The following HSP90AB1 variants were observed in gnomAD, a reference collection of about 807,000 sequenced individuals.
The protein encoded by HSP90AB1 is heat shock protein HSP 90-beta.
A neutral mutation model predicts 67.8 loss-of-function variants in HSP90AB1; 17 were observed. That is an observed-to-expected ratio of 0.25 (90% CI 0.17 to 0.38). HSP90AB1 has a LOEUF of 0.38. HSP90AB1 is among the 10% of genes least tolerant of loss of function. The pLI is 1.00. For missense variants in HSP90AB1, 690 were observed against 899.9 expected (o/e 0.77, Z 2.98); for synonymous variants, 390 against 312.9 (o/e 1.25, Z -2.60).
intron 1 of HSP90AB1, chr6:44,247,949 G>A (rs1045688389): frequency 6.6e-6 from 1 of 152,272 alleles, no homozygotes; most frequent in African/African-American, 2.4e-5. Context: ...CGGCAGTGAC[G>A]AGTGTCGGCC....
intron 10 of HSP90AB1, 136 bp downstream of exon 10, chr6:44,252,403 C>T: frequency 2.6e-6 from 2 of 777,364 alleles, no homozygotes; most frequent in East Asian, 2.6e-5. Context: ...GTTCTCTTCT[C>T]TAGTCAGGTT....
rs1205464236 is a variant in HSP90AB1 at position 44,248,676 on chromosome 6, C to T, written c.47C>T (p.Ala16Val). The stretch of plus-strand genomic sequence containing the variant: ...GGAGAGGAGGAGGTGGAGACTTTTG[C>T]CTTTCAGGCAGAAATTGCCCAACTC... ...HHGEEEVETF[A>V]FQAEIAQLMS... Residue 16 changes from alanine to valine, a missense_variant, in exon 2 of 12, where the codon GCC becomes GTC. Ala to Val is a moderately conservative substitution (Grantham distance 64, BLOSUM62 0). Around this residue, in one of 7 missense-constraint regions of HSP90AB1, gnomAD observed 25 missense variants for 18.0 expected, o/e 1.39. Coordinates refer to ENST00000371646, the MANE Select transcript of HSP90AB1 (RefSeq NM_007355.4). The T allele has an allele frequency of 1.9e-6, 3 of 1,613,770 alleles. No homozygotes were observed. The highest frequency in any genetic ancestry group is 1.3e-5 in the African/African-American group (1 of 74,942).
At chr6:44,253,430 T>A (rs544357572) in intron 11 of HSP90AB1, 52 bp downstream of exon 11, 1 of 1,603,984 alleles carries the variant, frequency 6.2e-7, no homozygotes. Flanking sequence ...ACTCGTCTCC[T>A]CTATGGATTT....
chr6:44,251,627 C>CT lies in HSP90AB1; in HGVS notation c.1314+21dup, dbSNP rs55708875. ...TCTCAAGGTAAAAAGGCAAATAATG[C>CT]TTATTCCCTTTACCACTTTCTTAGT... On this transcript the variant is annotated intron_variant, in intron 8 of 11. Transcript: ENST00000371646. 22 of 1,591,004 alleles carry CT rather than the reference C, an allele frequency of 1.4e-5. No individual in the cohort carries two copies. In the Admixed American group the frequency reaches 3.8e-4, roughly 28 times the overall value.
At position 44,251,170 on chromosome 6, in the gene HSP90AB1, G is replaced by A; in HGVS notation, c.1080G>A (p.Val360=). 1 of 1,614,198 alleles carries A rather than the reference G, an allele frequency of 6.2e-7. No individual in the cohort carries two copies. The highest frequency in any genetic ancestry group is 1.6e-4 in the Middle Eastern group (1 of 6,062). The change falls in exon 7 of 12, where the codon GTG becomes GTA. Residue 360 remains valine (V), a synonymous_variant. Transcript: ENST00000371646. ...KNNIKLYVRR[V]FIMDSCDELI... Reference sequence around the variant, plus strand: ...ACATCAAACTCTATGTCCGCCGTGTGTTCATCATGGACAGCTGTGATGAGT... The same window carrying A: ...ACATCAAACTCTATGTCCGCCGTGTATTCATCATGGACAGCTGTGATGAGT...
At position 44,251,578 on chromosome 6, in the gene HSP90AB1, A is replaced by C; in HGVS notation, c.1284A>C (p.Lys428Asn). Residue 428 changes from lysine (K) to asparagine (N), a missense_variant, in exon 8 of 12, where the codon AAA (lysine) becomes AAC (asparagine). By Grantham distance (94) the Lys-to-Asn change is moderately conservative (BLOSUM62 0). Transcript: ENST00000371646. Reference sequence around the variant, plus strand: ...CAGAAGACAAGGAGAATTACAAGAAATTCTATGAGGCATTCTCTAAAAATC... The same window carrying C: ...CAGAAGACAAGGAGAATTACAAGAACTTCTATGAGGCATTCTCTAAAAATC... ...ELAEDKENYK[K>N]FYEAFSKNLK... 5 of 1,608,290 alleles carry C rather than the reference A, an allele frequency of 3.1e-6. No homozygotes were observed. Among genetic ancestry groups the C allele is most frequent in the Non-Finnish European group, 4.3e-6 (5 of 1,176,280 alleles).
In HSP90AB1 at chr6:44,247,199, A is replaced by G. The variant is rs973299137; in HGVS notation, c.-1+4A>G. On this transcript the variant is annotated splice_donor_region_variant and intron_variant, in intron 1 of 11. Transcript: ENST00000371646. ...GTATAATCCTTTTCTTTTCAAGGTA[A>G]GGCTGAGATCTCCGCTAGGCTTCTT... 4 of 152,226 alleles carry G rather than the reference A, an allele frequency of 2.6e-5. No homozygotes were observed. Among genetic ancestry groups the G allele is most frequent in the African/African-American group, 9.7e-5 (4 of 41,448 alleles). 9.4% of individuals were successfully genotyped at this position (152,226 alleles called of 1,614,324 possible).
rs1780483060 is a variant in HSP90AB1, at chr6:44,250,313, A to C, written c.671A>C (p.Glu224Ala). ...TAGTTGGAGAAGGAACGAGAGAAGG[A>C]AATTAGTGATGATGAGGCAGAGGAA... ...TLYLEKEREK[E>A]ISDDEAEEEK... Residue 224 changes from glutamate (E) to alanine (A), a missense_variant, in exon 6 of 12, where the codon GAA (glutamate) becomes GCA (alanine). Transcript: ENST00000371646. The C allele has an allele frequency of 6.2e-7, 1 of 1,613,706 alleles. No homozygotes were observed. Among genetic ancestry groups the C allele is most frequent in the Non-Finnish European group, 8.5e-7 (1 of 1,179,928 alleles).
chr6:44,248,228 C>T (rs896579981), intron 1 of HSP90AB1: 7 of 167,190 alleles, frequency 4.2e-5, no homozygotes, highest in Middle Eastern at 3.0e-3. Context: ...TTTGATCTCC[C>T]CCAAATAAAG....
chr6:44,250,195 G>A (rs979769622), intron 5 of HSP90AB1, 41 bp downstream of exon 5: 1 of 1,613,522 alleles, frequency 6.2e-7, no homozygotes, highest in African/African-American at 1.3e-5. Flanking sequence ...TAACGTGCAG[G>A]ATGTTTCCTG....
In HSP90AB1 at chr6:44,253,700, G is replaced by C. The variant is rs1371038273; in HGVS notation, c.*102G>C. On this transcript the variant is annotated 3_prime_UTR_variant, in exon 12 of 12. Coordinates refer to ENST00000371646, the MANE Select transcript of HSP90AB1 (RefSeq NM_007355.4). ...CTGTCCCACCTGGCTCCCCCTGCTG[G>C]TGTCTAGTGTTTTTTTCCCTCTCCT... 3 of 867,250 alleles carry C rather than the reference G, an allele frequency of 3.5e-6. No individual in the cohort carries two copies. In the African/African-American group the frequency reaches 4.9e-5, roughly 14 times the overall value. The allele number at this position is 867,250 out of a possible 1,614,324, so 53.7% of individuals were successfully genotyped here.
intron 10 of HSP90AB1, among the ~76,000 whole-genome samples, chr6:44,252,724 C>T (rs985982444): frequency 2.0e-5 from 3 of 151,872 alleles, no homozygotes; most frequent in Admixed American, 1.3e-4. Context: ...TCTCCATCTC[C>T]TGACCTTGTG....
intron 5 of HSP90AB1, 21 bp downstream of exon 5, chr6:44,250,175 C>G: frequency 6.2e-7 from 1 of 1,613,956 alleles, no homozygotes; most frequent in Non-Finnish European, 8.5e-7. Context: ...ACTTTTAAAT[C>G]TTTTACACTT....
intron 11 of HSP90AB1, 39 bp from the exon 12 acceptor site, chr6:44,253,450 C>CT (rs778450466): frequency 3.1e-6 from 5 of 1,599,876 alleles, no homozygotes; most frequent in Non-Finnish European, 4.3e-6. Flanking sequence ...TGACTTAATG[C>CT]TATTTGGTCA....
Position 44,253,719 on chromosome 6 carries a change from C to G in HSP90AB1, c.*121C>G, listed in dbSNP as rs756841146. 5.0e-6 allele frequency: 4 copies of G among 804,284 alleles called. No individual in the cohort carries two copies. In the African/African-American group the frequency reaches 6.7e-5, roughly 14 times the overall value. The allele number at this position is 804,284 out of a possible 1,614,324, so 49.8% of individuals were successfully genotyped here. ...CTGCTGGTGTCTAGTGTTTTTTTCC[C>G]TCTCCTGTCCTTGTGTTGAAGGCAG... On this transcript the variant is annotated 3_prime_UTR_variant, in exon 12 of 12. Transcript: ENST00000371646.
intron 2 of HSP90AB1, 51 bp from the exon 3 acceptor site, chr6:44,249,326 C>G (rs369825438): frequency 5.1e-4 from 739 of 1,458,706 alleles, no homozygotes; most frequent in Non-Finnish European, 6.8e-4. Flanking sequence ...GGCAACAGAG[C>G]AAGAGTCTGT....
Position 44,252,078 on chromosome 6 carries a change from C to G in HSP90AB1, c.1542C>G (p.Thr514=), listed in dbSNP as rs149243943. 1.1e-5 allele frequency: 17 copies of G among 1,614,058 alleles called. No individual in the cohort carries two copies. In the East Asian group the frequency reaches 3.6e-4, roughly 34 times the overall value. ...RKRGFEVVYM[T]EPIDEYCVQQ... Reference sequence around the variant, plus strand: ...GGGGCTTCGAGGTGGTATATATGACCGAGCCCATTGACGAGTACTGTGTGC... The same window carrying G: ...GGGGCTTCGAGGTGGTATATATGACGGAGCCCATTGACGAGTACTGTGTGC... The change falls in exon 10 of 12, where the codon ACC becomes ACG. Residue 514 remains threonine, a synonymous_variant. Coordinates refer to ENST00000371646, the MANE Select transcript of HSP90AB1 (RefSeq NM_007355.4).
chr6:44,247,225 T>C (rs1780003310), intron 1 of HSP90AB1, 30 bp downstream of exon 1: 1 of 152,312 alleles, frequency 6.6e-6, no homozygotes, highest in African/African-American at 2.4e-5. Context: ...TAGGCTTCTT[T>C]CCCTTTAGTG....
upstream of HSP90AB1, chr6:44,246,962 T>C (rs1779964225): frequency 6.6e-6 from 1 of 152,320 alleles, no homozygotes; most frequent in Admixed American, 6.5e-5. Flanking sequence ...CCTCTTTTTT[T>C]CGGACCATGA....
Sources: allele counts gnomAD v4.1 joint callset (sites outside exome capture counted in the v4.1 genomes callset), GRCh38; gene constraint gnomAD v4.1.1; regional missense constraint gnomAD v4.1.1; transcripts MANE v1.5; gene names NCBI Gene and HGNC (gene_info 2026-07-23, HGNC 2026-07-21).